Variants in UCK2 observed in about 807,000 individuals in gnomAD.
UCK2 encodes cytidine monophosphokinase 2.
UCK2 carries 6 observed loss-of-function variants against 30.8 expected under a neutral mutation model. The ratio of observed to expected loss-of-function variants is 0.19; its 90% CI spans 0.11 to 0.38. UCK2 has a LOEUF of 0.38. Among genes scored for constraint, UCK2 ranks in the 10% least tolerant of loss-of-function variants. UCK2 has a pLI of 1.00. For missense variants in UCK2, 210 were observed against 339.8 expected, an observed-to-expected ratio of 0.62 and a Z score of 3.00; for synonymous variants, 125 against 133.6, an observed-to-expected ratio of 0.94 and a Z score of 0.45.
intron 1 of UCK2, among the ~76,000 whole-genome samples, chr1:165,888,940 G>A (rs1655692800): frequency 6.6e-6 from 1 of 152,108 alleles, no homozygotes; most frequent in South Asian, 2.1e-4. Flanking sequence ...GAATGCACTT[G>A]TTTCATAATG....
At chr1:165,841,109 GTGTA>G (rs756879031) in intron 1 of UCK2, among the ~76,000 whole-genome samples, 4,908 of 46,440 alleles carry the variant, frequency 0.11, 83 homozygotes, top group South Asian at 0.17. Context: ...GTGTGTGTGT[GTGTA>G]TATATATATA....
chr1:165,903,599 T>A (rs1647554438), intron 5 of UCK2, among the ~76,000 whole-genome samples: 2 of 152,148 alleles, frequency 1.3e-5, no homozygotes, highest in African/African-American at 4.8e-5. Flanking sequence ...TGAGGGTGTA[T>A]CATATCCAAG....
At chr1:165,852,912 CAAAT>C (rs1353233366) in intron 1 of UCK2, among the ~76,000 whole-genome samples, 1 of 152,176 alleles carries the variant, frequency 6.6e-6, no homozygotes, top group Non-Finnish European at 1.5e-5. Flanking sequence ...AAACATCTCT[CAAAT>C]AAATATCAAA....
chr1:165,883,728 G>A (rs1198037170), intron 1 of UCK2, among the ~76,000 whole-genome samples: 2 of 152,146 alleles, frequency 1.3e-5, no homozygotes, highest in Non-Finnish European at 2.9e-5. Context: ...ATGGCCTAGG[G>A]CAACCCACTT....
chr1:165,831,405 T>A (rs1374359030), intron 1 of UCK2, among the ~76,000 whole-genome samples: 1 of 152,126 alleles, frequency 6.6e-6, no homozygotes, highest in African/African-American at 2.4e-5. Context: ...AAACCAGATT[T>A]TCATATTTCC....
At chr1:165,896,562 C>T (rs1016215992) in intron 4 of UCK2, among the ~76,000 whole-genome samples, 2 of 152,200 alleles carry the variant, frequency 1.3e-5, no homozygotes, top group Middle Eastern at 3.2e-3. Flanking sequence ...TTTGGGATAA[C>T]GAAAGGCTTG....
Position 165,845,475 on chromosome 1 carries a change from G to A in UCK2, c.99+17543G>A, listed in dbSNP as rs371304159. ...CTTGGGAAACAGACTTTTTTTCTTCGCAACTCTTTGGAGAGCATGTCCCTT... is the reference window on the plus strand; with the variant it reads ...CTTGGGAAACAGACTTTTTTTCTTCACAACTCTTTGGAGAGCATGTCCCTT... On this transcript the variant is annotated intron_variant, in intron 1 of 6. Coordinates refer to ENST00000367879, the MANE Select transcript of UCK2 (RefSeq NM_012474.5). 3.3e-5 allele frequency among the ~76,000 whole-genome samples: 5 copies of A among 152,034 alleles called. No individual in the cohort carries two copies. In the East Asian group the frequency reaches 7.7e-4, roughly 23 times the overall value.
At chr1:165,887,725 A>G (rs1376180747) in intron 1 of UCK2, among the ~76,000 whole-genome samples, 4 of 152,054 alleles carry the variant, frequency 2.6e-5, no homozygotes, top group Non-Finnish European at 5.9e-5. Flanking sequence ...GAGGGCCTAC[A>G]GGTGTTTAAA....
intron 1 of UCK2, among the ~76,000 whole-genome samples, chr1:165,845,531 A>G (rs1050706698): frequency 6.6e-6 from 1 of 152,212 alleles, no homozygotes; most frequent in Non-Finnish European, 1.5e-5. Flanking sequence ...CTGTGTAACA[A>G]TTAACTGGAT....
At chr1:165,877,686 A>G (rs1031555786) in intron 1 of UCK2, among the ~76,000 whole-genome samples, 1 of 152,148 alleles carries the variant, frequency 6.6e-6, no homozygotes, top group African/African-American at 2.4e-5. Context: ...GGTGGCTTCT[A>G]ATTTTTGGCT....
chr1:165,830,509 T>G (rs1654019819), intron 1 of UCK2, among the ~76,000 whole-genome samples: 1 of 149,820 alleles, frequency 6.7e-6, no homozygotes, highest in Admixed American at 6.7e-5. Context: ...GTATTTTCAG[T>G]AAACACGGAG....
In UCK2 at chr1:165,911,561, G is replaced by C. The variant is rs1213195398; in HGVS notation, c.*3738G>C. ...TTACCACCCTACCTTTATTGTTAGT[G>C]GTTACAAAGTGACCACATATTATGT... On this transcript the variant is annotated 3_prime_UTR_variant, in exon 7 of 7. Coordinates refer to ENST00000367879, the MANE Select transcript of UCK2 (RefSeq NM_012474.5). The C allele has an allele frequency of 6.6e-6, 1 of 152,118 alleles. No individual in the cohort carries two copies. The highest frequency in any genetic ancestry group is 1.5e-5 in the Non-Finnish European group (1 of 68,020). 9.4% of individuals were successfully genotyped at this position (152,118 alleles called of 1,614,324 possible).
intron 4 of UCK2, among the ~76,000 whole-genome samples, chr1:165,897,819 A>G (rs1010521335): frequency 2.0e-5 from 3 of 152,242 alleles, no homozygotes; most frequent in Non-Finnish European, 2.9e-5. Context: ...TCTTGCTCCC[A>G]GGTGGGGTGA....
intron 1 of UCK2, among the ~76,000 whole-genome samples, chr1:165,838,849 A>G (rs1654259873): frequency 6.6e-6 from 1 of 152,142 alleles, no homozygotes; most frequent in African/African-American, 2.4e-5. Flanking sequence ...GGAGGTCGAG[A>G]CCAGCCTGAC....
At chr1:165,864,478 T>C (rs1043267342) in intron 1 of UCK2, among the ~76,000 whole-genome samples, 1 of 152,166 alleles carries the variant, frequency 6.6e-6, no homozygotes, top group Non-Finnish European at 1.5e-5. Flanking sequence ...TCAGCCTGAT[T>C]ATTGGGTATA....
intron 1 of UCK2, among the ~76,000 whole-genome samples, chr1:165,861,650 C>CAA (rs986990445): frequency 9.5e-5 from 5 of 52,368 alleles, no homozygotes; most frequent in Admixed American, 9.0e-4. Flanking sequence ...AAAAAAAAAA[C>CAA]AAAAAAAAAC....
intron 3 of UCK2, among the ~76,000 whole-genome samples, chr1:165,893,455 T>C (rs1655818263): frequency 6.6e-6 from 1 of 152,220 alleles, no homozygotes; most frequent in Admixed American, 6.5e-5. Flanking sequence ...GCCACTTAAT[T>C]GGACATCGAG....
chr1:165,888,406 C>T (rs1026646458), intron 1 of UCK2, among the ~76,000 whole-genome samples: 3 of 152,038 alleles, frequency 2.0e-5, no homozygotes, highest in African/African-American at 7.2e-5. Flanking sequence ...ATTTTCCTGG[C>T]TCAGCCTCCC....
chr1:165,903,080 G>A lies in UCK2; in HGVS notation c.500-102G>A, dbSNP rs1006119002. 9.8e-6 allele frequency: 8 copies of A among 818,932 alleles called. No individual in the cohort carries two copies. In the East Asian group the frequency reaches 2.0e-4, roughly 21 times the overall value. The allele number at this position is 818,932 out of a possible 1,614,324, so 50.7% of individuals were successfully genotyped here. A position where few individuals can be genotyped will look rare whatever the true frequency, so the allele number is the denominator to read the frequency against. ...AGGATTCCAGCTTGAGAATCATCTA[G>A]AGTAATTGTGGAGCCTGTGGGAGCT... On this transcript the variant is annotated intron_variant, in intron 4 of 6. Transcript: ENST00000367879.
Sources: gnomAD v4.1 joint callset for allele counts (sites outside exome capture counted in the v4.1 genomes callset) on GRCh38, gnomAD v4.1.1 for gene constraint, MANE v1.5 for transcripts, NCBI Gene and HGNC (gene_info 2026-07-23, HGNC 2026-07-21) for gene names.